CADPS2: variants seen among roughly 807,000 people sequenced by gnomAD.
CADPS2 encodes calcium-dependent secretion activator 2.
In CADPS2, 93 loss-of-function variants were observed where a neutral mutation model predicts 172.5. The ratio of observed to expected loss-of-function variants is 0.54; its 90% CI spans 0.46 to 0.64. CADPS2 has a LOEUF of 0.64. CADPS2 is among the 30% of genes least tolerant of loss of function. The pLI is 0.00. For missense variants in CADPS2, 1,420 were observed against 1,565.9 expected (o/e 0.91, Z 1.57); for synonymous variants, 546 against 555.2 (o/e 0.98, Z 0.23).
chr7:122,496,053 A>C (rs2058707462), intron 9 of CADPS2, among the ~76,000 whole-genome samples: 1 of 151,894 alleles, frequency 6.6e-6, no homozygotes, highest in Admixed American at 6.6e-5. Flanking sequence ...TCACCTTTTT[A>C]ATGTTTTCGA....
chr7:122,770,535 AGTACTTATGG>A (rs2093678000), intron 1 of CADPS2, among the ~76,000 whole-genome samples: 1 of 152,164 alleles, frequency 6.6e-6, no homozygotes, highest in South Asian at 2.1e-4. Flanking sequence ...CCCTGAACTC[AGTACTTATGG>A]GAGAATAAGA....
intron 3 of CADPS2, among the ~76,000 whole-genome samples, chr7:122,661,682 A>G (rs2080545907): frequency 6.6e-6 from 1 of 152,210 alleles, no homozygotes; most frequent in Non-Finnish European, 1.5e-5. Context: ...TCTTGGACTT[A>G]TCAAGTCTTA....
At chr7:122,731,544 C>G (rs1316974310) in intron 2 of CADPS2, among the ~76,000 whole-genome samples, 3 of 151,334 alleles carry the variant, frequency 2.0e-5, no homozygotes, top group South Asian at 4.2e-4. Context: ...ATGATGTTTC[C>G]TAAATTGAAA....
At chr7:122,461,637 C>G (rs2054450063) in intron 14 of CADPS2, among the ~76,000 whole-genome samples, 1 of 151,904 alleles carries the variant, frequency 6.6e-6, no homozygotes, top group African/African-American at 2.4e-5. Flanking sequence ...GCTCTGTCAC[C>G]AGGCTGGAGT....
At chr7:122,584,682 T>C (rs542137035) in intron 6 of CADPS2, among the ~76,000 whole-genome samples, 2 of 152,116 alleles carry the variant, frequency 1.3e-5, no homozygotes, top group African/African-American at 2.4e-5. Context: ...CGGGCAAGCA[T>C]TTGTGACTAT....
At chr7:122,762,011 AAAAT>A (rs1306436298) in intron 1 of CADPS2, among the ~76,000 whole-genome samples, 4 of 80,390 alleles carry the variant, frequency 5.0e-5, no homozygotes, top group African/African-American at 2.1e-4. Context: ...AAAAAAAAAA[AAAAT>A]ATATATATAT....
chr7:122,472,937 T>TA (rs1258965924), intron 13 of CADPS2, among the ~76,000 whole-genome samples: 1 of 152,140 alleles, frequency 6.6e-6, no homozygotes, highest in Non-Finnish European at 1.5e-5. Context: ...TCTGAAATCT[T>TA]AAACAGAATG....
At chr7:122,594,041 CTA>C (rs1165853748) in intron 6 of CADPS2, among the ~76,000 whole-genome samples, 3 of 152,066 alleles carry the variant, frequency 2.0e-5, no homozygotes, top group East Asian at 3.9e-4. Flanking sequence ...TTTAAAGTAA[CTA>C]TGTTTTATCA....
At chr7:122,630,971 C>A (rs1165030800) in intron 3 of CADPS2, among the ~76,000 whole-genome samples, 1 of 152,020 alleles carries the variant, frequency 6.6e-6, no homozygotes, top group Non-Finnish European at 1.5e-5. Flanking sequence ...CAAAATCAAA[C>A]AGAAACAAGT....
intron 8 of CADPS2, among the ~76,000 whole-genome samples, chr7:122,523,533 A>G (rs1422368052): frequency 6.6e-6 from 1 of 152,158 alleles, no homozygotes; most frequent in Non-Finnish European, 1.5e-5. Flanking sequence ...ATACGACTGT[A>G]TAAATATGTT....
intron 3 of CADPS2, among the ~76,000 whole-genome samples, chr7:122,645,681 A>ATATATATATATATCTATCTCTC (rs796988558): frequency 1.7e-5 from 2 of 116,824 alleles, no homozygotes; most frequent in African/African-American, 6.4e-5. Context: ...ATATATATAT[A>ATATATATATATATCTATCTCTC]TCTTGGGATT....
intron 1 of CADPS2, among the ~76,000 whole-genome samples, chr7:122,776,684 T>C (rs1390366154): frequency 6.6e-6 from 1 of 152,176 alleles, no homozygotes; most frequent in Admixed American, 6.5e-5. Context: ...AAGTTTAGAA[T>C]TTCCTAAAGA....
At chr7:122,363,346 A>G (rs2040431148) in intron 25 of CADPS2, among the ~76,000 whole-genome samples, 1 of 152,242 alleles carries the variant, frequency 6.6e-6, no homozygotes, top group Admixed American at 6.5e-5. Context: ...TGGAGGCTGT[A>G]GCCCAGCACC....
chr7:122,814,159 T>C (rs1230986729), intron 1 of CADPS2, among the ~76,000 whole-genome samples: 3 of 150,850 alleles, frequency 2.0e-5, no homozygotes, highest in Non-Finnish European at 3.0e-5. Context: ...GGTTCCTATA[T>C]GATAACATGG....
At chr7:122,625,907 A>G (rs1008644590) in intron 4 of CADPS2, among the ~76,000 whole-genome samples, 2 of 152,238 alleles carry the variant, frequency 1.3e-5, no homozygotes, top group Admixed American at 6.5e-5. Flanking sequence ...AAATACAGAT[A>G]TAATCTCCTA....
At chr7:122,812,529 A>C (rs1800275858) in intron 1 of CADPS2, among the ~76,000 whole-genome samples, 1 of 152,102 alleles carries the variant, frequency 6.6e-6, no homozygotes, top group African/African-American at 2.4e-5. Flanking sequence ...GAATAACTGT[A>C]GGATCGAACA....
chr7:122,403,960 A>C (rs1221089703), intron 20 of CADPS2, among the ~76,000 whole-genome samples: 1 of 152,164 alleles, frequency 6.6e-6, no homozygotes, highest in East Asian at 1.9e-4. Flanking sequence ...TCATCATCTT[A>C]CCTAATTGCT....
intron 2 of CADPS2, among the ~76,000 whole-genome samples, chr7:122,708,783 GAT>G (rs1393523245): frequency 1.3e-5 from 2 of 151,416 alleles, no homozygotes. Context: ...TCAGTCTACC[GAT>G]TTAGAAGATA....
At position 122,683,016 on chromosome 7, in the gene CADPS2, T is replaced by C. The variant is rs563809819; in HGVS notation, c.454-19447A>G. ...GTGGGAGCAGGCTCTGTGTGGGCCC[T>C]GGAGCAGCTCCCAGCCCCTGTCCTC... On this transcript the variant is annotated intron_variant, in intron 2 of 29. Transcript: ENST00000449022. 3.3e-4 allele frequency among the ~76,000 whole-genome samples: 51 copies of C among 152,336 alleles called. No homozygotes were observed. In the South Asian group the frequency reaches 8.5e-3, roughly 25 times the overall value.
Sources: gnomAD v4.1 joint callset for allele counts (sites outside exome capture counted in the v4.1 genomes callset) on GRCh38, gnomAD v4.1.1 for gene constraint, MANE v1.5 for transcripts, NCBI Gene and HGNC (gene_info 2026-07-23, HGNC 2026-07-21) for gene names.